The following RAB3B variants were observed in gnomAD, a reference collection of about 807,000 sequenced individuals.
RAB3B encodes RAB3B, member RAS oncogene family, also known as ras-related protein Rab-3B.
A neutral mutation model predicts 20.5 loss-of-function variants in RAB3B; 11 were observed. That is an observed-to-expected ratio of 0.54 (90% confidence interval 0.34 to 0.89). The LOEUF (loss-of-function observed/expected upper bound fraction) is 0.89. RAB3B is among the 40% of genes least tolerant of loss of function. The pLI is 0.02. For missense variants in RAB3B, 225 were observed against 280.9 expected (o/e 0.80, Z 1.42); for synonymous variants, 99 against 106.3 (o/e 0.93, Z 0.42).
intron 2 of RAB3B, among the ~76,000 whole-genome samples, chr1:51,951,656 C>T (rs1387619093): frequency 1.3e-5 from 2 of 151,920 alleles, no homozygotes; most frequent in Admixed American, 1.3e-4. Flanking sequence ...TACAAAAAAT[C>T]AAAAAATTAG....
At chr1:51,941,570 T>C (rs1207954860) in intron 2 of RAB3B, among the ~76,000 whole-genome samples, 1 of 152,202 alleles carries the variant, frequency 6.6e-6, no homozygotes, top group Non-Finnish European at 1.5e-5. Flanking sequence ...ATAGATTAGA[T>C]GTGAAGAGAA....
intron 2 of RAB3B, among the ~76,000 whole-genome samples, chr1:51,959,809 G>A (rs1284531959): frequency 6.6e-6 from 1 of 152,230 alleles, no homozygotes; most frequent in Non-Finnish European, 1.5e-5. Context: ...GGTAATAACA[G>A]GGAAAACCAG....
At chr1:51,951,576 C>G (rs923054099) in intron 2 of RAB3B, among the ~76,000 whole-genome samples, 1 of 152,154 alleles carries the variant, frequency 6.6e-6, no homozygotes, top group Non-Finnish European at 1.5e-5. Flanking sequence ...GTAATCCCAG[C>G]TGAGGTGGGA....
chr1:51,979,268 CT>C (rs112504777), intron 1 of RAB3B, among the ~76,000 whole-genome samples: 1,594 of 136,534 alleles, frequency 0.012, 18 homozygotes, highest in East Asian at 0.038. Context: ...AGGCATTATG[CT>C]TTTTTTTTTT....
intron 2 of RAB3B, among the ~76,000 whole-genome samples, chr1:51,967,301 A>C (rs1684866563): frequency 6.6e-6 from 1 of 152,004 alleles, no homozygotes; most frequent in Admixed American, 6.6e-5. Context: ...CAACAAAAGC[A>C]AAACTCCACC....
Position 51,921,914 on chromosome 1 carries a change from AAGCCCCCC to A in RAB3B, c.473-1808_473-1801del, listed in dbSNP as rs1307695980. ...ATTCCACCATCCATAGAGAGGGCTG[AAGCCCCCC>A]AGGTATAAACAAGGCCTCTCTTTTC... is the stretch of plus-strand genomic sequence containing the variant. On this transcript the variant is annotated intron_variant, in intron 4 of 4. Transcript: ENST00000371655. Among the ~76,000 whole-genome samples the A allele has an allele frequency of 1.5e-4, 23 of 152,206 alleles. 1 individual carries two copies. The highest frequency in any genetic ancestry group is 1.0e-3 in the Admixed American group (16 of 15,272).
At chr1:51,987,790 C>T (rs1452948163) in intron 1 of RAB3B, among the ~76,000 whole-genome samples, 2 of 152,196 alleles carry the variant, frequency 1.3e-5, no homozygotes, top group African/African-American at 4.8e-5. Context: ...ACTCAAGAAC[C>T]ACAGTTGGCC....
intron 2 of RAB3B, among the ~76,000 whole-genome samples, chr1:51,970,909 A>G (rs1258707073): frequency 1.3e-5 from 2 of 150,814 alleles, no homozygotes; most frequent in Non-Finnish European, 3.0e-5. Flanking sequence ...TACTCGGGAG[A>G]CTGAGGCAGG....
intron 1 of RAB3B, 52 bp from the exon 2 acceptor site, chr1:51,977,169 A>C: frequency 7.1e-7 from 1 of 1,400,768 alleles, no homozygotes; most frequent in Non-Finnish European, 1.0e-6. Flanking sequence ...TGTCACCCTG[A>C]GTCACCATCC....
rs1684052902 is a variant in RAB3B at position 51,914,447 on chromosome 1, T to C, written c.*5480A>G. 1 of 152,164 alleles carries C rather than the reference T, an allele frequency of 6.6e-6. No homozygotes were observed. Among genetic ancestry groups the C allele is most frequent in the African/African-American group, 2.4e-5 (1 of 41,434 alleles). The allele number at this position is 152,164 out of a possible 1,614,324, so 9.4% of individuals were successfully genotyped here. A position where few individuals can be genotyped will look rare whatever the true frequency, so the allele number is the denominator to read the frequency against. The stretch of plus-strand genomic sequence containing the variant: ...AGAGTACTTTGTAATTATATTTGGG[T>C]GATGATTTGACAATGTCTATACTAA... On this transcript the variant is annotated 3_prime_UTR_variant, in exon 5 of 5. Coordinates refer to ENST00000371655, the MANE Select transcript of RAB3B (RefSeq NM_002867.4).
chr1:51,969,599 G>A (rs1409459016), intron 2 of RAB3B, among the ~76,000 whole-genome samples: 2 of 136,060 alleles, frequency 1.5e-5, no homozygotes, highest in Non-Finnish European at 3.2e-5. Flanking sequence ...CTTCATCCTC[G>A]CTTTAATGAG....
intron 4 of RAB3B, among the ~76,000 whole-genome samples, chr1:51,927,618 A>G (rs991491400): frequency 6.6e-6 from 1 of 152,052 alleles, no homozygotes; most frequent in African/African-American, 2.4e-5. Context: ...TCTACCAAAA[A>G]AGCAAGCAAA....
chr1:51,952,157 C>T (rs554934248), intron 2 of RAB3B, among the ~76,000 whole-genome samples: 3 of 152,286 alleles, frequency 2.0e-5, no homozygotes, highest in South Asian at 2.1e-4. Flanking sequence ...TTAGCCTGTG[C>T]CATGTGTGAT....
At chr1:51,934,374 A>G (rs1015969209) in intron 3 of RAB3B, among the ~76,000 whole-genome samples, 2 of 152,104 alleles carry the variant, frequency 1.3e-5, no homozygotes, top group African/African-American at 4.8e-5. Flanking sequence ...ACCTCCTCCT[A>G]TGTGATTCAT....
At chr1:51,974,463 C>T (rs573318216) in intron 2 of RAB3B, among the ~76,000 whole-genome samples, 50 of 152,288 alleles carry the variant, frequency 3.3e-4, no homozygotes, top group Non-Finnish European at 5.3e-4. Flanking sequence ...GATGCTGATG[C>T]CATGGGTCTG....
At position 51,976,892 on chromosome 1, in the gene RAB3B, A is replaced by T. The variant is rs1279212201; in HGVS notation, c.226T>A (p.Trp76Arg). Residue 76 changes from tryptophan to arginine, a missense_variant and splice_region_variant, in exon 2 of 5, where the codon TGG (tryptophan) becomes AGG (arginine). Physicochemically the swap from Trp to Arg is moderately radical, Grantham distance 101 (BLOSUM62 -3). Transcript: ENST00000371655. Reference protein sequence around the residue: ...RHEKRVKLQIWDTAGQERYRT... With the variant: ...RHEKRVKLQIRDTAGQERYRT... The stretch of plus-strand genomic sequence containing the variant: ...TGCCCAAGATTCCCGGGACTCACCC[A>T]GATCTGCAGTTTCACCCGCTTCTCG... 1.2e-6 allele frequency: 2 copies of T among 1,613,610 alleles called. No homozygotes were observed. The highest frequency in any genetic ancestry group is 1.7e-6 in the Non-Finnish European group (2 of 1,179,488).
chr1:51,946,574 C>T (rs1684568540), intron 2 of RAB3B, among the ~76,000 whole-genome samples: 1 of 152,208 alleles, frequency 6.6e-6, no homozygotes, highest in South Asian at 2.1e-4. Flanking sequence ...AGAGAACAGA[C>T]ACGAGAGTGA....
rs570197960 is a variant in RAB3B at position 51,908,530 on chromosome 1, C to T, written c.*11397G>A. On this transcript the variant is annotated 3_prime_UTR_variant, in exon 5 of 5. Coordinates refer to ENST00000371655, the MANE Select transcript of RAB3B (RefSeq NM_002867.4). ...TGGCTCCTTGATCTGAGGGAAGCCT[C>T]TGCTGTTCAACCTGCTCCAGGGTTT... 6.6e-6 allele frequency: 1 copy of T among 152,000 alleles called. No homozygotes were observed. Among genetic ancestry groups the T allele is most frequent in the South Asian group, 2.1e-4 (1 of 4,812 alleles). The allele number at this position is 152,000 out of a possible 1,614,324, so 9.4% of individuals were successfully genotyped here.
At chr1:51,954,712 G>C (rs1684683752) in intron 2 of RAB3B, among the ~76,000 whole-genome samples, 1 of 152,112 alleles carries the variant, frequency 6.6e-6, no homozygotes, top group Non-Finnish European at 1.5e-5. Context: ...ACAGCATCTG[G>C]GGAGAAAGCA....
Sources: gnomAD v4.1 joint callset for allele counts (sites outside exome capture counted in the v4.1 genomes callset) on GRCh38, gnomAD v4.1.1 for gene constraint, MANE v1.5 for transcripts, NCBI Gene and HGNC (gene_info 2026-07-23, HGNC 2026-07-21) for gene names.